The following ACYP2 variants were observed in gnomAD, a reference collection of about 807,000 sequenced individuals.
The protein encoded by ACYP2 is acylphosphatase 2.
A neutral mutation model predicts 11.2 loss-of-function variants in ACYP2; 12 were observed. The ratio of observed to expected loss-of-function variants is 1.08; its 90% confidence interval spans 0.69 to 1.74. The LOEUF (loss-of-function observed/expected upper bound fraction) is 1.74, where lower values mean the gene tolerates loss of function less well. Among genes scored for constraint, ACYP2 ranks in the 40% most tolerant of loss-of-function variants. The probability of loss-of-function intolerance (pLI) is 0.00; values close to 1 mark genes in which losing one functional copy is unlikely to be tolerated. For missense variants in ACYP2, 134 were observed against 101.9 expected (o/e 1.31, Z -1.35); for synonymous variants, 43 against 32.2 (o/e 1.33, Z -1.13).
At chr2:54,157,718 C>T (rs1682496458) in intron 6 of ACYP2, among the ~76,000 whole-genome samples, 1 of 152,116 alleles carries the variant, frequency 6.6e-6, no homozygotes, top group Non-Finnish European at 1.5e-5. Context: ...TAGTAAGTGC[C>T]GTGAAGGCAA....
At chr2:54,036,061 A>G (rs905330663) in intron 2 of ACYP2, among the ~76,000 whole-genome samples, 2 of 152,190 alleles carry the variant, frequency 1.3e-5, no homozygotes, top group Non-Finnish European at 2.9e-5. Flanking sequence ...TAGGGGAAAG[A>G]AAGTCTTAAC....
intron 4 of ACYP2, among the ~76,000 whole-genome samples, chr2:54,104,520 T>C (rs1679052518): frequency 6.6e-6 from 1 of 152,212 alleles, no homozygotes; most frequent in South Asian, 2.1e-4. Context: ...ATTTTTGATG[T>C]AGTTAGATTT....
At chr2:54,161,328 T>C (rs1302242458) in intron 6 of ACYP2, among the ~76,000 whole-genome samples, 1 of 152,194 alleles carries the variant, frequency 6.6e-6, no homozygotes. Context: ...CTGGGACCCG[T>C]GCATCAAATT....
At chr2:54,113,375 T>G (rs959143095) in intron 4 of ACYP2, among the ~76,000 whole-genome samples, 2 of 151,938 alleles carry the variant, frequency 1.3e-5, no homozygotes, top group Non-Finnish European at 2.9e-5. Flanking sequence ...CCCAAGTAGC[T>G]GGGACTACAG....
chr2:54,252,349 A>G (rs1286662686), intron 6 of ACYP2, among the ~76,000 whole-genome samples: 1 of 152,166 alleles, frequency 6.6e-6, no homozygotes, highest in Non-Finnish European at 1.5e-5. Context: ...AGCTATTAAA[A>G]TTCTGTTGTT....
chr2:54,303,741 C>G (rs765750941), intron 6 of ACYP2, among the ~76,000 whole-genome samples: 1 of 152,190 alleles, frequency 6.6e-6, no homozygotes, highest in Non-Finnish European at 1.5e-5. Context: ...GCATAGCTGT[C>G]TACAGCCCTA....
At chr2:54,243,318 C>T (rs1166743763) in intron 6 of ACYP2, among the ~76,000 whole-genome samples, 4 of 152,132 alleles carry the variant, frequency 2.6e-5, no homozygotes, top group Admixed American at 2.6e-4. Flanking sequence ...TAGCCTATTG[C>T]TCCTATTTTA....
At chr2:54,015,688 C>CACACACACACACAA (rs1558473166) in intron 2 of ACYP2, among the ~76,000 whole-genome samples, 1 of 122,488 alleles carries the variant, frequency 8.2e-6, no homozygotes, top group African/African-American at 3.8e-5. Flanking sequence ...CACACACACA[C>CACACACACACACAA]GGCAGAATCT....
intron 6 of ACYP2, among the ~76,000 whole-genome samples, chr2:54,257,003 C>G (rs1057339817): frequency 2.0e-5 from 3 of 152,118 alleles, no homozygotes; most frequent in African/African-American, 7.2e-5. Context: ...TTTTGAAGAA[C>G]AAAAGTTTTT....
chr2:53,975,289 C>G (rs1671415131), intron 2 of ACYP2: 1 of 398,072 alleles, frequency 2.5e-6, no homozygotes, highest in Non-Finnish European at 4.4e-6. Context: ...AAACAAACAT[C>G]TGAACTGGAA....
chr2:54,159,053 T>C (rs1169219688), intron 6 of ACYP2, among the ~76,000 whole-genome samples: 2 of 152,094 alleles, frequency 1.3e-5, no homozygotes, highest in South Asian at 2.1e-4. Context: ...ATATAGTATA[T>C]AGGCTTACTA....
At chr2:53,976,716 A>G (rs1671511579) in intron 2 of ACYP2, among the ~76,000 whole-genome samples, 1 of 152,206 alleles carries the variant, frequency 6.6e-6, no homozygotes, top group Admixed American at 6.6e-5. Flanking sequence ...TTTTCCTTCA[A>G]AAATCATTTT....
chr2:54,145,367 G>A (rs1037334821), intron 6 of ACYP2, among the ~76,000 whole-genome samples: 6 of 152,306 alleles, frequency 3.9e-5, no homozygotes, highest in African/African-American at 1.4e-4. Flanking sequence ...CTTGAATGAA[G>A]GAACTGATTT....
chr2:54,123,744 T>C (rs1680291068), intron 4 of ACYP2, among the ~76,000 whole-genome samples: 1 of 152,056 alleles, frequency 6.6e-6, no homozygotes, highest in Non-Finnish European at 1.5e-5. Context: ...GCTCCAATCA[T>C]AATATTCATA....
intron 6 of ACYP2, among the ~76,000 whole-genome samples, chr2:54,177,866 C>T (rs1350318354): frequency 1.3e-5 from 2 of 149,618 alleles, no homozygotes; most frequent in East Asian, 4.0e-4. Flanking sequence ...AGGTGTGAGC[C>T]ACCGTGTCCG....
chr2:54,023,329 AT>A (rs912728334), intron 2 of ACYP2, among the ~76,000 whole-genome samples: 9 of 152,064 alleles, frequency 5.9e-5, no homozygotes, highest in African/African-American at 1.9e-4. Context: ...TGTCACACTA[AT>A]TTTTTTTAAG....
intron 6 of ACYP2, among the ~76,000 whole-genome samples, chr2:54,295,039 G>GC (rs1689464630): frequency 6.6e-6 from 1 of 152,150 alleles, no homozygotes; most frequent in Non-Finnish European, 1.5e-5. Context: ...AGTGTATACA[G>GC]CTGTGCACTG....
At chr2:54,071,627 A>T (rs1677048274) in intron 4 of ACYP2, among the ~76,000 whole-genome samples, 1 of 152,082 alleles carries the variant, frequency 6.6e-6, no homozygotes. Flanking sequence ...CACCACACCC[A>T]GATAATTTTT....
chr2:54,177,725 G>T (rs527862179), intron 6 of ACYP2, among the ~76,000 whole-genome samples: 6 of 150,902 alleles, frequency 4.0e-5, no homozygotes, highest in Non-Finnish European at 5.9e-5. Context: ...CTACAGGCAC[G>T]CACCACCATG....
Sources: gnomAD v4.1 joint callset for allele counts (sites outside exome capture counted in the v4.1 genomes callset) on GRCh38, gnomAD v4.1.1 for gene constraint, MANE v1.5 for transcripts, NCBI Gene and HGNC (gene_info 2026-07-23, HGNC 2026-07-21) for gene names.